AKAP12: variants seen among roughly 807,000 people sequenced by gnomAD.
AKAP12 encodes A-kinase anchor protein 12.
A neutral mutation model predicts 79.9 loss-of-function variants in AKAP12; 32 were observed. That is an observed-to-expected ratio of 0.40 (90% confidence interval 0.30 to 0.54). The LOEUF (loss-of-function observed/expected upper bound fraction) is 0.54, where lower values mean the gene tolerates loss of function less well. Among genes scored for constraint, AKAP12 ranks in the 20% least tolerant of loss-of-function variants. The probability of loss-of-function intolerance (pLI) is 0.48; values close to 1 mark genes in which losing one functional copy is unlikely to be tolerated. For synonymous variants in AKAP12, 808 were observed against 857.0 expected, an observed-to-expected ratio of 0.94 and a Z score of 1.00; for missense variants, 2,074 against 2,177.0, an observed-to-expected ratio of 0.95 and a Z score of 0.94.
intron 3 of AKAP12, among the ~76,000 whole-genome samples, chr6:151,315,832 A>C (rs1338353055): frequency 7.1e-6 from 1 of 141,302 alleles, no homozygotes; most frequent in Non-Finnish European, 1.6e-5. Context: ...CGGAAGGGGA[A>C]GCAAACACAT....
intron 4 of AKAP12, among the ~76,000 whole-genome samples, chr6:151,354,590 T>C (rs1562757650): frequency 1.3e-5 from 2 of 150,468 alleles, no homozygotes; most frequent in Admixed American, 6.7e-5. Context: ...AGCCAGGAGG[T>C]CTCGATCTCC....
chr6:151,299,519 C>A (rs1370518013), intron 2 of AKAP12, among the ~76,000 whole-genome samples: 1 of 152,128 alleles, frequency 6.6e-6, no homozygotes, highest in African/African-American at 2.4e-5. Context: ...CAAACATTGA[C>A]TCCTTTTCTC....
chr6:151,325,890 G>A, intron 3 of AKAP12: 1 of 1,614,230 alleles, frequency 6.2e-7, no homozygotes, highest in Non-Finnish European at 8.5e-7. Flanking sequence ...TCACAGGTAA[G>A]GCACAAGCCA....
Position 151,351,446 on chromosome 6 carries a change from G to A in AKAP12, c.3055G>A (p.Ala1019Thr), listed in dbSNP as rs1778287627. ...CGACTCCCCAGACACCACAGAGGAGGCCACTCCGGTGCAGGAGGTGGAAGG... is the reference window on the plus strand; with the variant it reads ...CGACTCCCCAGACACCACAGAGGAGACCACTCCGGTGCAGGAGGTGGAAGG... ...LTDSPDTTEE[A>T]TPVQEVEGGV... Residue 1019 changes from alanine (A) to threonine (T), a missense_variant, in exon 4 of 5, where the codon GCC becomes ACC. This residue lies in a region of AKAP12 where 1,428 missense variants were observed against 1,451.0 expected (regional missense o/e 0.98). Transcript: ENST00000402676. The surrounding 1 kb of genome is among the most constrained non-coding windows in gnomAD (Gnocchi z 4.4). 6.2e-7 allele frequency: 1 copy of A among 1,614,108 alleles called. No homozygotes were observed. Among genetic ancestry groups the A allele is most frequent in the African/African-American group, 1.3e-5 (1 of 74,956 alleles).
chr6:151,331,220 C>T (rs939204200), intron 3 of AKAP12, among the ~76,000 whole-genome samples: 3 of 140,260 alleles, frequency 2.1e-5, no homozygotes, highest in Admixed American at 1.4e-4. Flanking sequence ...TTATTTGACT[C>T]CGTTAATATT....
intron 2 of AKAP12, among the ~76,000 whole-genome samples, chr6:151,288,035 A>AG (rs1449534668): frequency 7.0e-6 from 1 of 142,744 alleles, no homozygotes; most frequent in Non-Finnish European, 1.5e-5. Context: ...GGACACAGGG[A>AG]GGGGAACATC....
At chr6:151,329,789 T>G (rs1357899864) in intron 3 of AKAP12, among the ~76,000 whole-genome samples, 1 of 152,220 alleles carries the variant, frequency 6.6e-6, no homozygotes, top group Non-Finnish European at 1.5e-5. Context: ...TTGTGGACAT[T>G]ATCATGTATT....
chr6:151,263,831 A>G (rs968860771), intron 2 of AKAP12, among the ~76,000 whole-genome samples: 1 of 152,004 alleles, frequency 6.6e-6, no homozygotes, highest in Admixed American at 6.5e-5. Context: ...CTCCTGCCTC[A>G]GCCTCCCAAA....
At chr6:151,323,027 C>T (rs1229126608) in intron 3 of AKAP12, among the ~76,000 whole-genome samples, 1 of 152,192 alleles carries the variant, frequency 6.6e-6, no homozygotes, top group Admixed American at 6.5e-5. Flanking sequence ...AAGAAAGTCT[C>T]CTGCATTGGA....
intron 3 of AKAP12, among the ~76,000 whole-genome samples, chr6:151,333,349 C>T (rs1198595039): frequency 6.6e-6 from 1 of 152,162 alleles, no homozygotes; most frequent in Non-Finnish European, 1.5e-5. Flanking sequence ...CTGCCTGCCG[C>T]CCCCACATCT....
At chr6:151,341,809 C>T (rs1335670762) in intron 3 of AKAP12, 2 of 1,286,862 alleles carry the variant, frequency 1.6e-6, no homozygotes, top group Non-Finnish European at 2.0e-6. Flanking sequence ...TTTCCAGCCT[C>T]CTTCCTTCCC....
Position 151,352,163 on chromosome 6 carries a change from C to G in AKAP12, c.3772C>G (p.Leu1258Val), listed in dbSNP as rs199626567. 1.2e-6 allele frequency: 2 copies of G among 1,614,178 alleles called. No homozygotes were observed. The highest frequency in any genetic ancestry group is 1.7e-6 in the Non-Finnish European group (2 of 1,180,032). The change falls in exon 4 of 5, where the codon CTG (leucine) becomes GTG (valine). Residue 1258 changes from leucine (L) to valine (V), a missense_variant. Around this residue, in one of 3 missense-constraint regions of AKAP12, gnomAD observed 614 missense variants for 665.6 expected, o/e 0.92. Transcript: ENST00000402676. Reference sequence around the variant, plus strand: ...GGTGTCAGTGGAAACTGTATCCATTCTGTCAAAGACTGAGGGGACTCAAGA... The same window carrying G: ...GGTGTCAGTGGAAACTGTATCCATTGTGTCAAAGACTGAGGGGACTCAAGA... ...KEVSVETVSI[L>V]SKTEGTQEAD...
In AKAP12 at chr6:151,349,043, C is replaced by A. The variant is rs147810461; in HGVS notation, c.652C>A (p.Pro218Thr). The A allele has an allele frequency of 1.2e-4, 187 of 1,613,084 alleles. 1 individual carries two copies. The African/African-American group carries it at 2.3e-3, about 19-fold the overall frequency. Residue 218 changes from proline to threonine, a missense_variant, in exon 4 of 5, where the codon CCC (proline) becomes ACC (threonine). Around this residue, in one of 3 missense-constraint regions of AKAP12, gnomAD observed 1,428 missense variants for 1,451.0 expected, o/e 0.98. Transcript: ENST00000402676. The stretch of plus-strand genomic sequence containing the variant: ...AGCAGGGGCTGGCGACCACAAGGAC[C>A]CCAGCCTTGGGGCTGGAGAAGCAGC... The part of the protein sequence containing the change: ...GAAGAGDHKD[P>T]SLGAGEAASK...
chr6:151,338,796 G>T (rs1777878266), intron 3 of AKAP12, among the ~76,000 whole-genome samples: 2 of 152,226 alleles, frequency 1.3e-5, no homozygotes, highest in Non-Finnish European at 2.9e-5. Flanking sequence ...GTGATGTTGT[G>T]TCCTTCTCAG....
At chr6:151,250,799 G>A (rs1797159958) in intron 2 of AKAP12, among the ~76,000 whole-genome samples, 2 of 151,784 alleles carry the variant, frequency 1.3e-5, no homozygotes, top group African/African-American at 4.8e-5. Flanking sequence ...TAGAGATGGG[G>A]GTTTCACCGT....
intron 3 of AKAP12, among the ~76,000 whole-genome samples, chr6:151,316,548 C>T (rs573645918): frequency 2.6e-5 from 4 of 152,288 alleles, no homozygotes; most frequent in African/African-American, 7.2e-5. Flanking sequence ...TGCTCGCAGA[C>T]GGCCGCCTTC....
intron 2 of AKAP12, among the ~76,000 whole-genome samples, chr6:151,257,574 G>A (rs536153160): frequency 6.6e-6 from 1 of 152,292 alleles, no homozygotes; most frequent in South Asian, 2.1e-4. Flanking sequence ...TGAGATTATA[G>A]GCGTGAGCCA....
At chr6:151,257,498 T>C (rs1370423580) in intron 2 of AKAP12, among the ~76,000 whole-genome samples, 1 of 152,164 alleles carries the variant, frequency 6.6e-6, no homozygotes. Flanking sequence ...GGTTTCACTA[T>C]GTTGGCCAGA....
At chr6:151,278,876 C>T (rs111517725) in intron 2 of AKAP12, among the ~76,000 whole-genome samples, 23,089 of 151,722 alleles carry the variant, frequency 0.15, 1,924 homozygotes, top group Middle Eastern at 0.21. Flanking sequence ...ACCGTGTTAG[C>T]CAGGATGGTC....
Sources: allele counts gnomAD v4.1 joint callset (sites outside exome capture counted in the v4.1 genomes callset), GRCh38; gene constraint gnomAD v4.1.1; regional missense constraint gnomAD v4.1.1; non-coding constraint Gnocchi (gnomAD v3.1); transcripts MANE v1.5; gene names NCBI Gene and HGNC (gene_info 2026-07-23, HGNC 2026-07-21).